The following GRIK2 variants were observed in gnomAD, a reference collection of about 807,000 sequenced individuals.
GRIK2 encodes glutamate ionotropic receptor kainate type subunit 2.
In GRIK2, 32 loss-of-function variants were observed where a neutral mutation model predicts 100.3. The observed-to-expected ratio is 0.32, with a 90% CI of 0.24 to 0.43. GRIK2 has a LOEUF of 0.43. Ranked by LOEUF, GRIK2 falls within the 20% of genes least tolerant of loss-of-function variation. The pLI is 1.00. For synonymous variants in GRIK2, 417 were observed against 389.4 expected, an observed-to-expected ratio of 1.07 and a Z score of -0.83; for missense variants, 843 against 1,114.9, an observed-to-expected ratio of 0.76 and a Z score of 3.47.
chr6:101,794,297 T>C (rs1420308874), intron 7 of GRIK2, among the ~76,000 whole-genome samples: 5 of 152,162 alleles, frequency 3.3e-5, no homozygotes, highest in African/African-American at 1.2e-4. Context: ...ACCCCTCTTC[T>C]GCGTCGCTCA....
At chr6:101,612,478 C>T (rs949265377) in intron 2 of GRIK2, among the ~76,000 whole-genome samples, 1 of 151,732 alleles carries the variant, frequency 6.6e-6, no homozygotes, top group Non-Finnish European at 1.5e-5. Context: ...CTGTTAGGAA[C>T]TTTCATTCTT....
At chr6:101,636,760 G>A (rs1240788644) in intron 4 of GRIK2, among the ~76,000 whole-genome samples, 1 of 151,408 alleles carries the variant, frequency 6.6e-6, no homozygotes, top group East Asian at 1.9e-4. Context: ...TTTTGGGGGG[G>A]CGGGGAAATG....
chr6:101,478,368 A>G (rs931251585), intron 2 of GRIK2, among the ~76,000 whole-genome samples: 2 of 152,194 alleles, frequency 1.3e-5, no homozygotes, highest in Admixed American at 1.3e-4. Flanking sequence ...TATGTTCTAC[A>G]AACAAATCAT....
intron 10 of GRIK2, among the ~76,000 whole-genome samples, chr6:101,829,877 C>T (rs1244153718): frequency 1.3e-5 from 2 of 151,928 alleles, no homozygotes; most frequent in Non-Finnish European, 2.9e-5. Flanking sequence ...CCACACTAAT[C>T]CTGTCAAATT....
chr6:102,029,832 G>A (rs1769891493), intron 14 of GRIK2, among the ~76,000 whole-genome samples: 1 of 151,044 alleles, frequency 6.6e-6, no homozygotes, highest in Non-Finnish European at 1.5e-5. Flanking sequence ...TTACAGTGTT[G>A]GAGAGTCTTT....
intron 14 of GRIK2, among the ~76,000 whole-genome samples, chr6:102,010,799 G>A (rs1238758694): frequency 6.6e-6 from 1 of 151,860 alleles, no homozygotes; most frequent in African/African-American, 2.4e-5. Flanking sequence ...TTTCAAGACT[G>A]GCTTCTTGCA....
intron 10 of GRIK2, among the ~76,000 whole-genome samples, chr6:101,829,896 C>A (rs1022695528): frequency 6.6e-6 from 1 of 151,920 alleles, no homozygotes; most frequent in Non-Finnish European, 1.5e-5. Context: ...TTACCAATGT[C>A]ATTTTTCATA....
chr6:101,809,097 C>A (rs1196341849), intron 9 of GRIK2, among the ~76,000 whole-genome samples: 2 of 151,732 alleles, frequency 1.3e-5, no homozygotes, highest in East Asian at 3.9e-4. Flanking sequence ...ATTTTACTTT[C>A]ATGTGAAGCT....
intron 10 of GRIK2, among the ~76,000 whole-genome samples, chr6:101,821,986 A>C (rs1412395700): frequency 6.6e-6 from 1 of 152,014 alleles, no homozygotes; most frequent in Non-Finnish European, 1.5e-5. Flanking sequence ...AAAAATGATG[A>C]GGTATTCTGG....
chr6:102,001,844 A>T (rs1582699149), intron 14 of GRIK2, among the ~76,000 whole-genome samples: 1 of 151,940 alleles, frequency 6.6e-6, no homozygotes, highest in East Asian at 1.9e-4. Context: ...GTTATATGAA[A>T]TTGTGCTATT....
At chr6:101,983,901 C>A (rs1208175831) in intron 14 of GRIK2, among the ~76,000 whole-genome samples, 1 of 151,386 alleles carries the variant, frequency 6.6e-6, no homozygotes, top group African/African-American at 2.4e-5. Context: ...TGAGAATCAC[C>A]ATATATATAT....
chr6:101,441,450 C>T (rs1192062917), intron 2 of GRIK2, among the ~76,000 whole-genome samples: 2 of 152,102 alleles, frequency 1.3e-5, no homozygotes, highest in African/African-American at 4.8e-5. Flanking sequence ...GGTGAGAGAA[C>T]AAGTTTTTTG....
intron 5 of GRIK2, among the ~76,000 whole-genome samples, chr6:101,681,973 G>A (rs982297871): frequency 6.6e-6 from 1 of 152,064 alleles, no homozygotes; most frequent in African/African-American, 2.4e-5. Flanking sequence ...AAATTGATGA[G>A]GACTGTAGAA....
At chr6:101,981,806 G>A (rs1311179349) in intron 14 of GRIK2, among the ~76,000 whole-genome samples, 1 of 151,556 alleles carries the variant, frequency 6.6e-6, no homozygotes, top group Non-Finnish European at 1.5e-5. Context: ...GGAGAAGAAA[G>A]TGGAGGTAAA....
intron 2 of GRIK2, among the ~76,000 whole-genome samples, chr6:101,453,793 G>C (rs1770845190): frequency 6.6e-6 from 1 of 151,914 alleles, no homozygotes. Flanking sequence ...GATTTTGTAA[G>C]CACCCTTTTA....
intron 2 of GRIK2, among the ~76,000 whole-genome samples, chr6:101,619,959 T>C (rs781386404): frequency 1.3e-5 from 2 of 152,158 alleles, no homozygotes; most frequent in Non-Finnish European, 2.9e-5. Flanking sequence ...TGGATGGCTT[T>C]GAAGGTTCAT....
chr6:101,773,990 T>C (rs1403760458), intron 7 of GRIK2, among the ~76,000 whole-genome samples: 1 of 152,196 alleles, frequency 6.6e-6, no homozygotes, highest in Non-Finnish European at 1.5e-5. Flanking sequence ...CATATTGATA[T>C]GTTTTGTTTG....
chr6:101,928,617 C>T lies in GRIK2; in HGVS notation c.2070C>T (p.Thr690=). The change falls in exon 14 of 17, where the codon ACC becomes ACT. Residue 690 remains threonine, a synonymous_variant. Coordinates refer to ENST00000369134, the MANE Select transcript of GRIK2 (RefSeq NM_021956.5). ...IEYGAVEDGA[T]MTFFKKSKIS... is the part of the protein sequence containing the mutation. ...ATGGAGCAGTAGAGGATGGTGCAAC[C>T]ATGACTTTTTTCAAGGTAAGTTCTG... The T allele has an allele frequency of 1.9e-6, 3 of 1,574,980 alleles. No homozygotes were observed. The highest frequency in any genetic ancestry group is 2.6e-6 in the Non-Finnish European group (3 of 1,144,574).
intron 15 of GRIK2, among the ~76,000 whole-genome samples, chr6:102,046,241 A>G (rs1049381517): frequency 6.6e-6 from 1 of 152,148 alleles, no homozygotes; most frequent in East Asian, 1.9e-4. Flanking sequence ...AAAGGCACCA[A>G]TACCCCACTT....
Sources: allele counts gnomAD v4.1 joint callset (sites outside exome capture counted in the v4.1 genomes callset), GRCh38; gene constraint gnomAD v4.1.1; transcripts MANE v1.5; gene names NCBI Gene and HGNC (gene_info 2026-07-23, HGNC 2026-07-21).